Variants in STAC observed in about 807,000 individuals in gnomAD.
The protein encoded by STAC is SH3 and cysteine-rich domain-containing protein.
A neutral mutation model predicts 48.8 loss-of-function variants in STAC; 43 were observed. The ratio of observed to expected loss-of-function variants is 0.88; its 90% CI spans 0.69 to 1.14. STAC has a LOEUF of 1.14. Among genes scored for constraint, STAC ranks in the 50% most tolerant of loss-of-function variants. The probability of loss-of-function intolerance (pLI) is 0.00; values close to 1 mark genes in which losing one functional copy is unlikely to be tolerated. For missense variants in STAC, 497 were observed against 504.0 expected (o/e 0.99, Z 0.13); for synonymous variants, 193 against 179.5 (o/e 1.07, Z -0.60).
intron 1 of STAC, among the ~76,000 whole-genome samples, chr3:36,404,505 C>T (rs1391016276): frequency 6.6e-6 from 1 of 152,112 alleles, no homozygotes; most frequent in East Asian, 1.9e-4. Flanking sequence ...ATATTATGCT[C>T]ATGTATATAA....
chr3:36,388,765 T>C (rs773573677), intron 1 of STAC, among the ~76,000 whole-genome samples: 8 of 152,086 alleles, frequency 5.3e-5, no homozygotes, highest in Non-Finnish European at 1.2e-4. Flanking sequence ...ACGTTTTTTA[T>C]GTAATAAATG....
intron 6 of STAC, among the ~76,000 whole-genome samples, chr3:36,499,937 A>T (rs2125710614): frequency 6.6e-6 from 1 of 152,296 alleles, no homozygotes; most frequent in South Asian, 2.1e-4. Context: ...CTAGAATTTA[A>T]AAGTGTTATT....
chr3:36,458,731 C>T (rs903926242), intron 2 of STAC, among the ~76,000 whole-genome samples: 1 of 152,154 alleles, frequency 6.6e-6, no homozygotes, highest in Non-Finnish European at 1.5e-5. Context: ...AAAGCTGCAC[C>T]TCAATTTAGA....
intron 5 of STAC, among the ~76,000 whole-genome samples, chr3:36,492,031 A>AATATATATATATATAT (rs11267408): frequency 3.5e-3 from 57 of 16,428 alleles, no homozygotes; most frequent in Non-Finnish European, 5.4e-3. Context: ...AAAAAAAAAA[A>AATATATATATATATAT]ATATATATAT....
At chr3:36,392,409 G>T (rs1440328947) in intron 1 of STAC, among the ~76,000 whole-genome samples, 1 of 152,040 alleles carries the variant, frequency 6.6e-6, no homozygotes, top group Non-Finnish European at 1.5e-5. Flanking sequence ...GTACAGTCAT[G>T]GCTCACTGCA....
intron 6 of STAC, among the ~76,000 whole-genome samples, chr3:36,498,519 C>T (rs754542760): frequency 5.3e-5 from 8 of 152,040 alleles, no homozygotes; most frequent in Non-Finnish European, 8.8e-5. Flanking sequence ...TTTGGGAGGC[C>T]GAGATAGGAG....
intron 1 of STAC, among the ~76,000 whole-genome samples, chr3:36,394,307 T>G (rs1427765109): frequency 1.3e-5 from 2 of 152,198 alleles, no homozygotes; most frequent in African/African-American, 4.8e-5. Context: ...CACCACAGAT[T>G]AGAGAACATT....
At chr3:36,454,164 G>A (rs547315066) in intron 2 of STAC, among the ~76,000 whole-genome samples, 13 of 152,266 alleles carry the variant, frequency 8.5e-5, no homozygotes, top group Non-Finnish European at 1.8e-4. Flanking sequence ...CTTCCACGCT[G>A]TGGAAGCTTT....
intron 1 of STAC, among the ~76,000 whole-genome samples, chr3:36,442,392 C>T (rs1696373264): frequency 6.6e-6 from 1 of 152,118 alleles, no homozygotes; most frequent in South Asian, 2.1e-4. Flanking sequence ...TGACTTGTTG[C>T]TGGGTGAAAA....
At chr3:36,517,733 CATT>C (rs1698707778) in intron 8 of STAC, among the ~76,000 whole-genome samples, 1 of 152,106 alleles carries the variant, frequency 6.6e-6, no homozygotes, top group African/African-American at 2.4e-5. Context: ...GCACTGTTGT[CATT>C]ATTATCATAT....
At chr3:36,527,989 C>T (rs1243300821) in intron 8 of STAC, among the ~76,000 whole-genome samples, 1 of 151,904 alleles carries the variant, frequency 6.6e-6, no homozygotes, top group Non-Finnish European at 1.5e-5. Flanking sequence ...AAGATAATGA[C>T]CAATTCTAGA....
At chr3:36,447,107 G>A (rs969479648) in intron 2 of STAC, among the ~76,000 whole-genome samples, 2 of 152,154 alleles carry the variant, frequency 1.3e-5, no homozygotes, top group African/African-American at 2.4e-5. Flanking sequence ...GCTGGAATCT[G>A]CTTCCGACTG....
intron 2 of STAC, among the ~76,000 whole-genome samples, chr3:36,444,509 T>A (rs780985726): frequency 1.3e-5 from 2 of 152,250 alleles, no homozygotes; most frequent in Non-Finnish European, 2.9e-5. Context: ...CATCATGCAC[T>A]TCTCATGGCG....
chr3:36,485,917 T>C (rs888673855), intron 4 of STAC: 2 of 472,244 alleles, frequency 4.2e-6, no homozygotes, highest in Non-Finnish European at 7.6e-6. Flanking sequence ...GGGAGCAGAG[T>C]ACTAGCTGGT....
At chr3:36,461,842 C>G (rs1419376173) in intron 2 of STAC, among the ~76,000 whole-genome samples, 1 of 152,144 alleles carries the variant, frequency 6.6e-6, no homozygotes, top group Non-Finnish European at 1.5e-5. Context: ...ATAAAGAATA[C>G]AGAGTAAAGG....
At chr3:36,397,082 G>T (rs1439938639) in intron 1 of STAC, among the ~76,000 whole-genome samples, 1 of 152,148 alleles carries the variant, frequency 6.6e-6, no homozygotes, top group Non-Finnish European at 1.5e-5. Flanking sequence ...AGTAAACACG[G>T]TTTTGTCTTT....
chr3:36,420,450 G>A (rs559672400), intron 1 of STAC, among the ~76,000 whole-genome samples: 8 of 152,272 alleles, frequency 5.3e-5, no homozygotes, highest in South Asian at 4.2e-4. Flanking sequence ...GTTAGGAACC[G>A]GGCTACACAG....
intron 1 of STAC, among the ~76,000 whole-genome samples, chr3:36,405,793 G>A (rs756104931): frequency 7.2e-5 from 11 of 152,070 alleles, no homozygotes; most frequent in Non-Finnish European, 1.0e-4. Context: ...TGATTATAGC[G>A]CACTGCAGCC....
chr3:36,381,642 G>C (rs1034166574), intron 1 of STAC, among the ~76,000 whole-genome samples: 2 of 152,170 alleles, frequency 1.3e-5, no homozygotes, highest in African/African-American at 4.8e-5. Flanking sequence ...GCAAAGGAAA[G>C]GGGTTGCCAG....
Sources: gnomAD v4.1 joint callset for allele counts (sites outside exome capture counted in the v4.1 genomes callset) on GRCh38, gnomAD v4.1.1 for gene constraint, MANE v1.5 for transcripts, NCBI Gene and HGNC (gene_info 2026-07-23, HGNC 2026-07-21) for gene names.